CNTNAP2: variants seen among roughly 807,000 people sequenced by gnomAD.
CNTNAP2 encodes the protein contactin-associated protein-like 2.
CNTNAP2 carries 98 observed loss-of-function variants against 155.2 expected under a neutral mutation model. That is an observed-to-expected ratio of 0.63 (90% CI 0.54 to 0.75). The LOEUF is 0.75. Ranked by LOEUF, CNTNAP2 falls within the 30% of genes least tolerant of loss-of-function variation. The pLI is 0.00. For synonymous variants in CNTNAP2, 651 were observed against 631.2 expected, an observed-to-expected ratio of 1.03 and a Z score of -0.47; for missense variants, 1,727 against 1,688.1, an observed-to-expected ratio of 1.02 and a Z score of -0.40.
chr7:147,974,690 C>T (rs969336488), intron 14 of CNTNAP2, among the ~76,000 whole-genome samples: 2 of 152,140 alleles, frequency 1.3e-5, no homozygotes, highest in African/African-American at 4.8e-5. Flanking sequence ...TGATCTTGAG[C>T]AACCTGAATT....
At position 148,147,748 on chromosome 7, in the gene CNTNAP2, A is replaced by AT. The variant is rs1221004348; in HGVS notation, c.2773+44dup. ...AGGTAACCATGGCTTCCCTCTGTTG[A>AT]TTTTTAAGAGCCTGCACAATACAAA... On this transcript the variant is annotated intron_variant, in intron 17 of 23. Coordinates refer to ENST00000361727, the MANE Select transcript of CNTNAP2 (RefSeq NM_014141.6). 1.9e-6 allele frequency: 3 copies of AT among 1,565,402 alleles called. No homozygotes were observed. The African/African-American group carries it at 4.2e-5, about 22-fold the overall frequency.
chr7:147,360,701 C>T (rs1172324102), intron 9 of CNTNAP2, among the ~76,000 whole-genome samples: 3 of 152,040 alleles, frequency 2.0e-5, no homozygotes, highest in African/African-American at 7.3e-5. Flanking sequence ...GTCTCCATGA[C>T]CCCTATGTGT....
intron 1 of CNTNAP2, among the ~76,000 whole-genome samples, chr7:146,140,483 G>A (rs1012601710): frequency 2.0e-5 from 3 of 152,126 alleles, no homozygotes; most frequent in African/African-American, 7.2e-5. Context: ...AAATAATTAG[G>A]TAGATACTAA....
At chr7:147,444,526 T>TTTC (rs11465160) in intron 10 of CNTNAP2, among the ~76,000 whole-genome samples, 1 of 64,394 alleles carries the variant, frequency 1.6e-5, no homozygotes, top group African/African-American at 1.5e-4. Context: ...TTAAATTTTC[T>TTTC]TTTTTTTTTT....
chr7:147,833,872 A>T (rs1365191757), intron 13 of CNTNAP2, among the ~76,000 whole-genome samples: 1 of 152,150 alleles, frequency 6.6e-6, no homozygotes, highest in Non-Finnish European at 1.5e-5. Flanking sequence ...AATGGGGCTG[A>T]GTGTCACAGA....
At chr7:147,948,375 G>T (rs1322284098) in intron 14 of CNTNAP2, among the ~76,000 whole-genome samples, 1 of 151,716 alleles carries the variant, frequency 6.6e-6, no homozygotes, top group African/African-American at 2.4e-5. Flanking sequence ...TCTCCATGAT[G>T]TGCTTATTTC....
At chr7:146,267,425 G>T (rs577996939) in intron 1 of CNTNAP2, among the ~76,000 whole-genome samples, 78 of 152,198 alleles carry the variant, frequency 5.1e-4, no homozygotes, top group African/African-American at 1.5e-3. Flanking sequence ...GAGAACTTTA[G>T]ATCCTAGATA....
chr7:147,794,378 G>C (rs1256298058), intron 13 of CNTNAP2, among the ~76,000 whole-genome samples: 1 of 151,856 alleles, frequency 6.6e-6, no homozygotes, highest in Non-Finnish European at 1.5e-5. Context: ...GTTGAATTTA[G>C]TCAAATGCTT....
intron 5 of CNTNAP2, among the ~76,000 whole-genome samples, chr7:147,112,360 G>C: frequency 6.6e-6 from 1 of 151,918 alleles, no homozygotes; most frequent in East Asian, 1.9e-4. Flanking sequence ...AATACCCTTT[G>C]TTTCTTTCTC....
At chr7:147,613,983 A>G (rs1261689418) in intron 12 of CNTNAP2, among the ~76,000 whole-genome samples, 1 of 152,220 alleles carries the variant, frequency 6.6e-6, no homozygotes, top group Non-Finnish European at 1.5e-5. Context: ...TATTTTTTCA[A>G]TATGAATAAA....
intron 15 of CNTNAP2, among the ~76,000 whole-genome samples, chr7:147,992,120 A>T (rs1277001374): frequency 2.8e-5 from 3 of 107,652 alleles, no homozygotes; most frequent in Admixed American, 1.2e-4. Context: ...TTTGAGACAG[A>T]GTCTCGCTCT....
intron 17 of CNTNAP2, among the ~76,000 whole-genome samples, chr7:148,156,724 C>G (rs368598506): frequency 6.6e-6 from 1 of 152,146 alleles, no homozygotes; most frequent in African/African-American, 2.4e-5. Context: ...TGATGGGAAA[C>G]AACTCTTGAT....
chr7:147,292,874 A>T (rs1260080262), intron 8 of CNTNAP2, among the ~76,000 whole-genome samples: 1 of 152,194 alleles, frequency 6.6e-6, no homozygotes, highest in South Asian at 2.1e-4. Flanking sequence ...AGTTCAGGTG[A>T]TTCTCCTGCC....
intron 1 of CNTNAP2, among the ~76,000 whole-genome samples, chr7:146,456,776 T>A (rs1220897521): frequency 1.3e-5 from 2 of 150,896 alleles, no homozygotes; most frequent in Non-Finnish European, 2.9e-5. Flanking sequence ...ACTAAAAAAA[T>A]AAATATGTCT....
intron 9 of CNTNAP2, among the ~76,000 whole-genome samples, chr7:147,335,679 G>A (rs1483132382): frequency 6.6e-6 from 1 of 152,152 alleles, no homozygotes; most frequent in Non-Finnish European, 1.5e-5. Context: ...TATTTATTTA[G>A]CAGAGGGTAA....
intron 11 of CNTNAP2, among the ~76,000 whole-genome samples, chr7:147,501,361 A>G (rs1798808334): frequency 6.6e-6 from 1 of 152,104 alleles, no homozygotes; most frequent in Non-Finnish European, 1.5e-5. Flanking sequence ...CTATTCAACA[A>G]TGCACTGAAA....
At chr7:147,261,076 A>T (rs1316040244) in intron 8 of CNTNAP2, among the ~76,000 whole-genome samples, 1 of 152,232 alleles carries the variant, frequency 6.6e-6, no homozygotes, top group African/African-American at 2.4e-5. Context: ...ACCACTTGTA[A>T]TAAACATGTT....
At chr7:147,809,595 C>T (rs1287781925) in intron 13 of CNTNAP2, among the ~76,000 whole-genome samples, 1 of 152,188 alleles carries the variant, frequency 6.6e-6, no homozygotes, top group African/African-American at 2.4e-5. Flanking sequence ...TGCTGTTTGT[C>T]TTCCACCTTC....
chr7:147,897,995 G>A (rs530917250), intron 13 of CNTNAP2, among the ~76,000 whole-genome samples: 63 of 152,272 alleles, frequency 4.1e-4, no homozygotes, highest in African/African-American at 1.3e-3. Context: ...GTCAGAAAGC[G>A]GGCATGTTTC....
Sources: gnomAD v4.1 joint callset for allele counts (sites outside exome capture counted in the v4.1 genomes callset) on GRCh38, gnomAD v4.1.1 for gene constraint, MANE v1.5 for transcripts, NCBI Gene and HGNC (gene_info 2026-07-23, HGNC 2026-07-21) for gene names.